The following ACBD5 variants were observed in gnomAD, a reference collection of about 807,000 sequenced individuals.
ACBD5 encodes the protein acyl-CoA binding domain containing 5.
Under a neutral mutation model 71.8 loss-of-function variants are expected in ACBD5, and 40 were observed. That is an observed-to-expected ratio of 0.56 (90% CI 0.43 to 0.72). The LOEUF is 0.72. Ranked by LOEUF, ACBD5 falls within the 30% of genes least tolerant of loss-of-function variation. The pLI, the probability that ACBD5 is intolerant of heterozygous loss-of-function variation, is 0.00. For missense variants in ACBD5, 559 were observed against 644.5 expected (o/e 0.87, Z 1.44); for synonymous variants, 229 against 218.6 (o/e 1.05, Z -0.42).
chr10:27,219,955 A>G, intron 5 of ACBD5, 98 bp from the exon 6 acceptor site: 3 of 1,066,712 alleles, frequency 2.8e-6, no homozygotes, highest in Non-Finnish European at 3.9e-6. Flanking sequence ...AACTAATAAA[A>G]TAATTTTGAA....
At position 27,218,015 on chromosome 10, in the gene ACBD5, C is replaced by A; in HGVS notation, c.794G>T (p.Gly265Val). 1.2e-6 allele frequency: 2 copies of A among 1,614,012 alleles called. No homozygotes were observed. Among genetic ancestry groups the A allele is most frequent in the Non-Finnish European group, 1.7e-6 (2 of 1,180,012 alleles). ...EEVKPIDENL[G>V]QTGKSAVCIH... ...GCAAACAGCAGATTTTCCAGTTTGC[C>A]CCAAGTTTTCATCAATGGGCTTTAC... Residue 265 changes from glycine (G) to valine (V), a missense_variant, in exon 7 of 13, where the codon GGG (glycine) becomes GTG (valine). Coordinates refer to ENST00000396271, the MANE Select transcript of ACBD5 (RefSeq NM_145698.5).
intron 4 of ACBD5, among the ~76,000 whole-genome samples, chr10:27,224,837 C>T (rs1042650345): frequency 1.3e-5 from 2 of 151,980 alleles, no homozygotes; most frequent in Non-Finnish European, 2.9e-5. Context: ...TTGAGACCAG[C>T]CTGTCCAACA....
At chr10:27,214,697 T>TA (rs2061441415) in intron 8 of ACBD5, among the ~76,000 whole-genome samples, 1 of 152,206 alleles carries the variant, frequency 6.6e-6, no homozygotes, top group South Asian at 2.1e-4. Flanking sequence ...TTATTTCCAC[T>TA]AAAAATTTCA....
intron 3 of ACBD5, among the ~76,000 whole-genome samples, chr10:27,234,385 T>C (rs1354810855): frequency 6.6e-6 from 1 of 151,924 alleles, no homozygotes; most frequent in African/African-American, 2.4e-5. Flanking sequence ...TTATTTATTA[T>C]CTTCAAGGCT....
At chr10:27,229,154 A>T (rs2063533475) in intron 4 of ACBD5, among the ~76,000 whole-genome samples, 1 of 151,906 alleles carries the variant, frequency 6.6e-6, no homozygotes, top group Non-Finnish European at 1.5e-5. Context: ...CAACTTTCTC[A>T]GTGATATTTC....
intron 12 of ACBD5, among the ~76,000 whole-genome samples, chr10:27,201,000 C>T (rs891136523): frequency 4.6e-5 from 7 of 151,900 alleles, no homozygotes; most frequent in African/African-American, 7.3e-5. Context: ...AGTGAGACCC[C>T]CATCTCAACA....
At position 27,205,114 on chromosome 10, in the gene ACBD5, G is replaced by A. The variant is rs1210499244; in HGVS notation, c.1455+84C>T. On this transcript the variant is annotated intron_variant, in intron 11 of 12. Transcript: ENST00000396271. ...TGCACTCCAGCCTGGGCAACAGAGC[G>A]AGACTCCGTATCAAACAAAAACAAA... is the stretch of plus-strand genomic sequence containing the variant. 11 of 1,343,920 alleles carry A rather than the reference G, an allele frequency of 8.2e-6. No homozygotes were observed. In the African/African-American group the frequency reaches 1.3e-4, roughly 16 times the overall value. The allele number at this position is 1,343,920 out of a possible 1,614,324, so 83.2% of individuals were successfully genotyped here. A position where few individuals can be genotyped will look rare whatever the true frequency, so the allele number is the denominator to read the frequency against.
chr10:27,241,933 C>G (rs962115529), upstream of ACBD5: 1 of 407,888 alleles, frequency 2.5e-6, no homozygotes, highest in African/African-American at 2.0e-5. Flanking sequence ...CCCGGAAATC[C>G]CAAAGTCTCC....
chr10:27,216,179 G>C (rs6482608), intron 7 of ACBD5, among the ~76,000 whole-genome samples: 143,438 of 150,544 alleles, frequency 0.95, 68,383 homozygotes, highest in East Asian at 0.99. Context: ...CTCGTTCTGT[G>C]GCCCAGGCTG....
At chr10:27,229,410 T>C (rs1160034760) in intron 4 of ACBD5, among the ~76,000 whole-genome samples, 2 of 151,720 alleles carry the variant, frequency 1.3e-5, no homozygotes, top group Non-Finnish European at 2.9e-5. Context: ...GCCAACATGG[T>C]GAAACCCCCA....
At chr10:27,241,628 G>A (rs1319439414), upstream of ACBD5, among the ~76,000 whole-genome samples, 2 of 152,100 alleles carry the variant, frequency 1.3e-5, no homozygotes, top group African/African-American at 4.8e-5. Context: ...GATACTTTGA[G>A]AGGTCGAGTG....
At position 27,195,969 on chromosome 10, in the gene ACBD5, G is replaced by A. The variant is rs1436557140; in HGVS notation, c.*1461C>T. The A allele has an allele frequency of 1.8e-5, 8 of 433,656 alleles. No individual in the cohort carries two copies. The highest frequency in any genetic ancestry group is 4.1e-5 in the African/African-American group (2 of 48,964). The allele number at this position is 433,656 out of a possible 1,614,324, so 26.9% of individuals were successfully genotyped here. A position where few individuals can be genotyped will look rare whatever the true frequency, so the allele number is the denominator to read the frequency against. The stretch of plus-strand genomic sequence containing the variant: ...TCTAATCCCAGCACTTTGGGAGGCC[G>A]AGGCAGGCAGATCACCTGAGGTTGG... On this transcript the variant is annotated 3_prime_UTR_variant, in exon 13 of 13. Transcript: ENST00000396271.
At chr10:27,238,906 A>G (rs1475201835) in intron 2 of ACBD5, among the ~76,000 whole-genome samples, 4 of 152,200 alleles carry the variant, frequency 2.6e-5, no homozygotes, top group Non-Finnish European at 4.4e-5. Flanking sequence ...CTTTCTAAAT[A>G]TGTTTATTGG....
At chr10:27,214,127 C>T (rs1024728768) in intron 8 of ACBD5, among the ~76,000 whole-genome samples, 1 of 152,082 alleles carries the variant, frequency 6.6e-6, no homozygotes, top group East Asian at 1.9e-4. Context: ...AACAATTAAA[C>T]TCATGGAGAT....
intron 8 of ACBD5, among the ~76,000 whole-genome samples, chr10:27,212,955 G>A (rs951126692): frequency 3.9e-5 from 6 of 152,098 alleles, no homozygotes; most frequent in East Asian, 1.9e-4. Flanking sequence ...ATGAGAAAAG[G>A]AGAAAAACAC....
chr10:27,230,325 A>G (rs2063686826), intron 4 of ACBD5, among the ~76,000 whole-genome samples: 2 of 152,138 alleles, frequency 1.3e-5, no homozygotes, highest in Admixed American at 1.3e-4. Flanking sequence ...AAAAAAAACA[A>G]GTCTAAATCT....
Position 27,240,311 on chromosome 10 carries a change from G to A in ACBD5, c.181+8C>T, listed in dbSNP as rs765790054. On this transcript the variant is annotated splice_region_variant and intron_variant, in intron 2 of 12. Coordinates refer to ENST00000396271, the MANE Select transcript of ACBD5 (RefSeq NM_145698.5). The surrounding 1 kb of genome is among the most constrained non-coding windows in gnomAD (Gnocchi z 4.1). ...GAGGCGTCTACAGCCGGGGCCCAGC[G>A]CACGTACCATTCTTCGGCAAACTCT... 2 of 1,614,004 alleles carry A rather than the reference G, an allele frequency of 1.2e-6. No homozygotes were observed. Among genetic ancestry groups the A allele is most frequent in the Admixed American group, 1.7e-5 (1 of 60,000 alleles).
chr10:27,210,784 A>C (rs766012361), intron 9 of ACBD5, 30 bp downstream of exon 9: 16 of 1,613,894 alleles, frequency 9.9e-6, no homozygotes, highest in Non-Finnish European at 1.1e-5. Context: ...AAATCAATAA[A>C]GGTGAGGGAA....
At chr10:27,237,152 A>G (rs2064818737) in intron 2 of ACBD5, among the ~76,000 whole-genome samples, 1 of 150,886 alleles carries the variant, frequency 6.6e-6, no homozygotes, top group Non-Finnish European at 1.5e-5. Flanking sequence ...AAACATCAAA[A>G]GTCTAATCTC....
Sources: gnomAD v4.1 joint callset for allele counts (sites outside exome capture counted in the v4.1 genomes callset) on GRCh38, gnomAD v4.1.1 for gene constraint, Gnocchi (gnomAD v3.1) non-coding constraint, MANE v1.5 for transcripts, NCBI Gene and HGNC (gene_info 2026-07-23, HGNC 2026-07-21) for gene names.